GPHN: variants seen among roughly 807,000 people sequenced by gnomAD.
GPHN encodes gephyrin.
In GPHN, 17 loss-of-function variants were observed where a neutral mutation model predicts 95.5. The observed-to-expected ratio is 0.18, with a 90% CI of 0.12 to 0.27. The LOEUF is 0.27. Among genes scored for constraint, GPHN ranks in the 10% least tolerant of loss-of-function variants. The pLI is 1.00. For synonymous variants in GPHN, 320 were observed against 322.5 expected (o/e 0.99, Z 0.08); for missense variants, 660 against 978.1 (o/e 0.67, Z 4.34).
At chr14:66,866,136 T>C (rs1369902373) in intron 4 of GPHN, among the ~76,000 whole-genome samples, 1 of 152,164 alleles carries the variant, frequency 6.6e-6, no homozygotes, top group African/African-American at 2.4e-5. Flanking sequence ...TGTCCAAACC[T>C]GAAAAACAAT....
At chr14:67,662,592 G>A in the GPHN span, 1 of 1,478,212 alleles carries the variant, frequency 6.8e-7, no homozygotes, top group Non-Finnish European at 9.3e-7. Flanking sequence ...ATTTGTAAAG[G>A]CCATTCCCTC....
the GPHN span, among the ~76,000 whole-genome samples, chr14:67,237,960 A>T: frequency 2.0e-5 from 3 of 150,484 alleles, no homozygotes; most frequent in Non-Finnish European, 4.4e-5. Flanking sequence ...TCCATGTTAG[A>T]CTCTATATGC....
At chr14:66,793,979 A>G (rs1001281815) in intron 3 of GPHN, among the ~76,000 whole-genome samples, 14 of 152,222 alleles carry the variant, frequency 9.2e-5, no homozygotes, top group Admixed American at 7.9e-4. Context: ...ATCATAAGGC[A>G]TACATTGTCA....
intron 1 of GPHN, among the ~76,000 whole-genome samples, chr14:66,561,737 A>T (rs1469977878): frequency 6.6e-6 from 1 of 152,180 alleles, no homozygotes; most frequent in Non-Finnish European, 1.5e-5. Context: ...TTCTATTGTT[A>T]TACAAAATTA....
intron 4 of GPHN, among the ~76,000 whole-genome samples, chr14:66,872,232 C>T (rs891222587): frequency 1.3e-5 from 2 of 152,202 alleles, no homozygotes; most frequent in African/African-American, 4.8e-5. Flanking sequence ...TGAAGAGTAG[C>T]ATTCTACTTT....
At chr14:66,868,825 A>G (rs1456707144) in intron 4 of GPHN, among the ~76,000 whole-genome samples, 1 of 152,064 alleles carries the variant, frequency 6.6e-6, no homozygotes, top group Admixed American at 6.6e-5. Context: ...TGTTTTTGAC[A>G]CTGTTTTTAC....
At chr14:67,450,185 G>A in the GPHN span, among the ~76,000 whole-genome samples, 2,679 of 152,102 alleles carry the variant, frequency 0.018, 44 homozygotes, top group Non-Finnish European at 0.029. Flanking sequence ...TGATTGTGAG[G>A]CGTTCCCAGC....
the GPHN span, among the ~76,000 whole-genome samples, chr14:67,381,021 G>A: frequency 6.6e-6 from 1 of 152,088 alleles, no homozygotes; most frequent in East Asian, 1.9e-4. Context: ...GGGTTTGATT[G>A]TTTTGTTTTA....
chr14:66,599,390 G>C (rs1351799079), intron 1 of GPHN, among the ~76,000 whole-genome samples: 1 of 69,280 alleles, frequency 1.4e-5, no homozygotes, highest in Non-Finnish European at 2.2e-5. Context: ...ATTTTTTTTT[G>C]CATTTTTTTT....
At chr14:67,076,022 C>T (rs2076479514) in intron 11 of GPHN, among the ~76,000 whole-genome samples, 1 of 152,062 alleles carries the variant, frequency 6.6e-6, no homozygotes. Context: ...TAAATGCTGT[C>T]CAACAGCATT....
At chr14:66,585,409 T>G (rs1359846615) in intron 1 of GPHN, among the ~76,000 whole-genome samples, 2 of 151,972 alleles carry the variant, frequency 1.3e-5, no homozygotes, top group African/African-American at 4.8e-5. Flanking sequence ...TCTGATCTTA[T>G]TTATTTCTTG....
intron 11 of GPHN, among the ~76,000 whole-genome samples, chr14:67,065,397 A>C (rs927911892): frequency 6.6e-6 from 1 of 152,134 alleles, no homozygotes. Context: ...TGCTGAGAAG[A>C]CTGTATATTC....
chr14:67,173,484 A>T (rs115284284), intron 21 of GPHN, among the ~76,000 whole-genome samples: 414 of 152,298 alleles, frequency 2.7e-3, no homozygotes, highest in African/African-American at 9.4e-3. Flanking sequence ...TGCTGCATGG[A>T]AACTATACCA....
At chr14:67,668,877 G>A in the GPHN span, among the ~76,000 whole-genome samples, 1 of 152,080 alleles carries the variant, frequency 6.6e-6, no homozygotes, top group Middle Eastern at 3.2e-3. Flanking sequence ...CTGTCCTAGT[G>A]AAAGGAAGAC....
chr14:67,515,407 C>CCGGCGGCGG, the GPHN span: 6,937 of 178,828 alleles, frequency 0.039, 206 homozygotes, highest in Non-Finnish European at 0.056. Flanking sequence ...AAAGGAGCCC[C>CCGGCGGCGG]CGGCGGCGGC....
intron 21 of GPHN, among the ~76,000 whole-genome samples, chr14:67,175,783 A>C (rs1431532746): frequency 1.3e-5 from 2 of 152,150 alleles, no homozygotes; most frequent in Non-Finnish European, 2.9e-5. Flanking sequence ...CTCTTTGAAG[A>C]GGTCCTTCAC....
At chr14:67,560,317 G>C in the GPHN span, among the ~76,000 whole-genome samples, 1 of 152,114 alleles carries the variant, frequency 6.6e-6, no homozygotes, top group African/African-American at 2.4e-5. Context: ...GGGAACCACC[G>C]TGCCCTGCTA....
At chr14:67,269,332 A>G in the GPHN span, among the ~76,000 whole-genome samples, 9 of 150,978 alleles carry the variant, frequency 6.0e-5, no homozygotes, top group African/African-American at 2.2e-4. Flanking sequence ...TTTTTGTACA[A>G]GTTTTTGTGT....
At chr14:67,298,830 C>A in the GPHN span, among the ~76,000 whole-genome samples, 2 of 152,332 alleles carry the variant, frequency 1.3e-5, no homozygotes, top group Admixed American at 1.3e-4. Context: ...TGACAATCAC[C>A]TCTTTCAATC....
Sources: gnomAD v4.1 joint callset for allele counts (sites outside exome capture counted in the v4.1 genomes callset) on GRCh38, gnomAD v4.1.1 for gene constraint, MANE v1.5 for transcripts, NCBI Gene and HGNC (gene_info 2026-07-23, HGNC 2026-07-21) for gene names.